SKAP1: variants seen among roughly 807,000 people sequenced by gnomAD.
SKAP1 encodes the protein src kinase associated phosphoprotein 1, also known as src kinase-associated phosphoprotein 1.
Under a neutral mutation model 58.5 loss-of-function variants are expected in SKAP1, and 44 were observed. That is an observed-to-expected ratio of 0.75 (90% CI 0.59 to 0.97). The LOEUF (loss-of-function observed/expected upper bound fraction) is 0.97, where lower values mean the gene tolerates loss of function less well. Ranked by LOEUF, SKAP1 falls within the 50% of genes least tolerant of loss-of-function variation. The pLI is 0.00. For synonymous variants in SKAP1, 127 were observed against 149.7 expected, an observed-to-expected ratio of 0.85 and a Z score of 1.11; for missense variants, 390 against 435.2, an observed-to-expected ratio of 0.90 and a Z score of 0.92.
intron 3 of SKAP1, among the ~76,000 whole-genome samples, chr17:48,362,789 A>G (rs571398304): frequency 6.6e-6 from 1 of 152,266 alleles, no homozygotes; most frequent in Non-Finnish European, 1.5e-5. Flanking sequence ...ACTTATAATC[A>G]CTCACAATTT....
At chr17:48,353,990 ATGT>A (rs2066842129) in intron 3 of SKAP1, among the ~76,000 whole-genome samples, 1 of 152,028 alleles carries the variant, frequency 6.6e-6, no homozygotes, top group African/African-American at 2.4e-5. Flanking sequence ...AGAAGAAGAC[ATGT>A]TGTACAGGCT....
chr17:48,396,877 T>G (rs1449969918), intron 1 of SKAP1, 92 bp from the exon 2 acceptor site: 1 of 869,574 alleles, frequency 1.1e-6, no homozygotes, highest in Non-Finnish European at 1.9e-6. Flanking sequence ...TGTATACATA[T>G]GTAACTAACC....
chr17:48,397,872 G>T (rs936993444), intron 1 of SKAP1, among the ~76,000 whole-genome samples: 19 of 152,116 alleles, frequency 1.2e-4, no homozygotes, highest in Non-Finnish European at 1.9e-4. Context: ...ATTGCAGAGG[G>T]GGGGTGGTTC....
intron 3 of SKAP1, among the ~76,000 whole-genome samples, chr17:48,346,980 T>C (rs745967618): frequency 6.6e-5 from 10 of 152,228 alleles, no homozygotes; most frequent in Non-Finnish European, 1.3e-4. Flanking sequence ...GTAATGTATA[T>C]ACAATACTGA....
At chr17:48,401,087 C>T (rs1053179013) in intron 1 of SKAP1, among the ~76,000 whole-genome samples, 1 of 152,100 alleles carries the variant, frequency 6.6e-6, no homozygotes, top group Non-Finnish European at 1.5e-5. Context: ...GGGTGGATCA[C>T]CTGAGGTCAG....
intron 4 of SKAP1, among the ~76,000 whole-genome samples, chr17:48,209,187 TTCC>T (rs1251313516): frequency 1.3e-5 from 2 of 152,194 alleles, no homozygotes; most frequent in Non-Finnish European, 2.9e-5. Flanking sequence ...ATCTCAGTCT[TTCC>T]TCCTCCTCTT....
intron 4 of SKAP1, among the ~76,000 whole-genome samples, chr17:48,284,851 C>T (rs2065811274): frequency 6.6e-6 from 1 of 152,152 alleles, no homozygotes; most frequent in African/African-American, 2.4e-5. Context: ...TTTGGATTTT[C>T]TTCACAATTC....
At chr17:48,321,418 C>T (rs2066363842) in intron 4 of SKAP1, among the ~76,000 whole-genome samples, 1 of 150,064 alleles carries the variant, frequency 6.7e-6, no homozygotes, top group Admixed American at 6.6e-5. Context: ...CGCTCTGTCA[C>T]CCAGGCTGGA....
chr17:48,357,354 G>A (rs148206010), intron 3 of SKAP1, among the ~76,000 whole-genome samples: 3,740 of 152,268 alleles, frequency 0.025, 141 homozygotes, highest in African/African-American at 0.084. Context: ...CTTTTGGCCG[G>A]GTGCAGTGGC....
chr17:48,241,192 G>A (rs1330521766), intron 4 of SKAP1, among the ~76,000 whole-genome samples: 2 of 152,134 alleles, frequency 1.3e-5, no homozygotes, highest in Non-Finnish European at 2.9e-5. Flanking sequence ...CTCTAGCAAT[G>A]CTGGAACACC....
intron 4 of SKAP1, among the ~76,000 whole-genome samples, chr17:48,284,634 T>C (rs1380662334): frequency 6.6e-6 from 1 of 152,328 alleles, no homozygotes; most frequent in Non-Finnish European, 1.5e-5. Context: ...ATCCCTTTTT[T>C]ATAAGTAACG....
chr17:48,189,476 G>A lies in SKAP1; in HGVS notation c.305C>T (p.Ala102Val). 6.2e-7 allele frequency: 1 copy of A among 1,613,260 alleles called. No homozygotes were observed. Among genetic ancestry groups the A allele is most frequent in the Non-Finnish European group, 8.5e-7 (1 of 1,179,802 alleles). ...DEGMEDIVKG[A>V]QELDNVIKQG... The stretch of plus-strand genomic sequence containing the variant: ...CTTGATTACGTTATCAAGTTCTTGA[G>A]CTCCTTTTACGATGTCTTCCATTCC... The change falls in exon 5 of 13, where the codon GCT becomes GTT. Residue 102 changes from alanine (A) to valine (V), a missense_variant. Physicochemically the swap from Ala to Val is moderately conservative, Grantham distance 64. Coordinates refer to ENST00000336915, the MANE Select transcript of SKAP1 (RefSeq NM_003726.4).
intron 4 of SKAP1, among the ~76,000 whole-genome samples, chr17:48,326,654 G>T (rs2066440545): frequency 6.6e-6 from 1 of 152,028 alleles, no homozygotes; most frequent in Non-Finnish European, 1.5e-5. Context: ...TTATTCCTAG[G>T]TTGATTGTGG....
chr17:48,334,423 C>G (rs1450751814), intron 4 of SKAP1, among the ~76,000 whole-genome samples: 1 of 151,764 alleles, frequency 6.6e-6, no homozygotes, highest in African/African-American at 2.4e-5. Flanking sequence ...TACCCAAGAA[C>G]AATCACAACT....
rs537014497 is a variant in SKAP1 at position 48,270,945 on chromosome 17, G to A, written c.280+74960C>T. Among the ~76,000 whole-genome samples the A allele has an allele frequency of 2.3e-3, 347 of 151,728 alleles. 2 individuals carry two copies. Among genetic ancestry groups the A allele is most frequent in the African/African-American group, 7.9e-3 (328 of 41,384 alleles). On this transcript the variant is annotated intron_variant, in intron 4 of 12. Transcript: ENST00000336915. ...TTTTAAAGGTAGTGCAGGTTTAAGCGGGGGGAGGGGGTTGGTGGGAGGGGG... is the reference window on the plus strand; with the variant it reads ...TTTTAAAGGTAGTGCAGGTTTAAGCAGGGGGAGGGGGTTGGTGGGAGGGGG...
At chr17:48,293,351 T>C (rs1045381440) in intron 4 of SKAP1, among the ~76,000 whole-genome samples, 7 of 152,214 alleles carry the variant, frequency 4.6e-5, no homozygotes, top group Non-Finnish European at 8.8e-5. Context: ...TGGTGAGCAA[T>C]TATCAGGAAT....
At chr17:48,143,399 T>TAAGA (rs1295142318) in intron 11 of SKAP1, among the ~76,000 whole-genome samples, 2 of 151,648 alleles carry the variant, frequency 1.3e-5, no homozygotes, top group African/African-American at 4.8e-5. Flanking sequence ...TTTGTAGAGA[T>TAAGA]AAGAGTTTTG....
chr17:48,227,239 A>G (rs2065079241), intron 4 of SKAP1, among the ~76,000 whole-genome samples: 1 of 152,174 alleles, frequency 6.6e-6, no homozygotes, highest in African/African-American at 2.4e-5. Context: ...CAGAAAGACT[A>G]TTTCCTAAAC....
intron 4 of SKAP1, among the ~76,000 whole-genome samples, chr17:48,345,701 A>T (rs2066713718): frequency 6.6e-6 from 1 of 152,224 alleles, no homozygotes; most frequent in South Asian, 2.1e-4. Context: ...TGTCTCCCTA[A>T]GTACATTAAC....
Sources: allele counts gnomAD v4.1 joint callset (sites outside exome capture counted in the v4.1 genomes callset), GRCh38; gene constraint gnomAD v4.1.1; transcripts MANE v1.5; gene names NCBI Gene and HGNC (gene_info 2026-07-23, HGNC 2026-07-21).